ACCSL: variants seen among roughly 807,000 people sequenced by gnomAD.
The protein encoded by ACCSL is probable inactive 1-aminocyclopropane-1-carboxylate synthase-like protein 2.
In ACCSL, 55 loss-of-function variants were observed where a neutral mutation model predicts 61.7. The ratio of observed to expected loss-of-function variants is 0.89; its 90% confidence interval spans 0.72 to 1.12. The LOEUF is 1.12. Ranked by LOEUF, ACCSL falls within the 50% of genes most tolerant of loss-of-function variation. The pLI, the probability that ACCSL is intolerant of heterozygous loss-of-function variation, is 0.00. For missense variants in ACCSL, 632 were observed against 698.0 expected, an observed-to-expected ratio of 0.91 and a Z score of 1.07; for synonymous variants, 258 against 264.3, an observed-to-expected ratio of 0.98 and a Z score of 0.23.
At chr11:44,012,721 T>C in the ACCSL span, among the ~76,000 whole-genome samples, 1 of 152,212 alleles carries the variant, frequency 6.6e-6, no homozygotes, top group Non-Finnish European at 1.5e-5. Flanking sequence ...GATAGACATA[T>C]AAAGATGTTC....
At chr11:43,943,029 G>A in the ACCSL span, 6 of 1,505,364 alleles carry the variant, frequency 4.0e-6, no homozygotes, top group East Asian at 1.1e-4. This position sits in a 1 kb window ranked among gnomAD's most constrained non-coding sequence, Gnocchi z 4.8. Flanking sequence ...CCCAAGGGCC[G>A]GGGCCGGCTG....
At chr11:44,059,402 T>A (rs1050982164) in intron 13 of ACCSL, among the ~76,000 whole-genome samples, 1 of 152,248 alleles carries the variant, frequency 6.6e-6, no homozygotes, top group Non-Finnish European at 1.5e-5. Context: ...GAATAGGACA[T>A]TCATGTGAAC....
chr11:44,050,170 C>T (rs760902868), intron 2 of ACCSL, 49 bp downstream of exon 2: 7 of 1,503,956 alleles, frequency 4.7e-6, no homozygotes, highest in South Asian at 1.1e-5. Flanking sequence ...AAGGCTTAGT[C>T]CCCCTAGCGT....
chr11:43,973,317 G>A, the ACCSL span, among the ~76,000 whole-genome samples: 1 of 152,146 alleles, frequency 6.6e-6, no homozygotes, highest in Non-Finnish European at 1.5e-5. Context: ...GATTTTGAGT[G>A]GTAGTTTTAG....
chr11:43,991,901 C>T, the ACCSL span, among the ~76,000 whole-genome samples: 1 of 152,154 alleles, frequency 6.6e-6, no homozygotes, highest in African/African-American at 2.4e-5. Context: ...GCTCCTCAGA[C>T]AATTTGGTCC....
chr11:44,042,410 A>C, the ACCSL span, among the ~76,000 whole-genome samples: 1 of 152,164 alleles, frequency 6.6e-6, no homozygotes, highest in Non-Finnish European at 1.5e-5. Flanking sequence ...CTTCATCCAG[A>C]TTGAAGTGTA....
At chr11:43,975,525 T>G in the ACCSL span, among the ~76,000 whole-genome samples, 1 of 152,174 alleles carries the variant, frequency 6.6e-6, no homozygotes, top group African/African-American at 2.4e-5. Context: ...ATATAGCTAC[T>G]AAGAAGCTCA....
At chr11:43,966,809 C>G in the ACCSL span, among the ~76,000 whole-genome samples, 1 of 152,060 alleles carries the variant, frequency 6.6e-6, no homozygotes, top group African/African-American at 2.4e-5. Flanking sequence ...TTTGACTGTT[C>G]TAGGACAACT....
At chr11:44,058,248 T>A in intron 11 of ACCSL, 69 bp from the exon 12 acceptor site, 3 of 1,539,434 alleles carry the variant, frequency 1.9e-6, no homozygotes, top group Non-Finnish European at 2.7e-6. Flanking sequence ...GAAGGGAGCA[T>A]TTGGGAAGGA....
chr11:43,988,716 A>AGGCT, the ACCSL span, among the ~76,000 whole-genome samples: 1 of 151,886 alleles, frequency 6.6e-6, no homozygotes, highest in Non-Finnish European at 1.5e-5. Flanking sequence ...AGGAAGAAAC[A>AGGCT]GGCTGCAGGG....
the ACCSL span, among the ~76,000 whole-genome samples, chr11:43,991,910 C>T: frequency 6.6e-6 from 1 of 152,004 alleles, no homozygotes; most frequent in South Asian, 2.1e-4. Flanking sequence ...ACAATTTGGT[C>T]CCTTCATATC....
At chr11:43,990,837 G>A in the ACCSL span, among the ~76,000 whole-genome samples, 2 of 152,118 alleles carry the variant, frequency 1.3e-5, no homozygotes, top group African/African-American at 2.4e-5. Flanking sequence ...TTGGGAGGCC[G>A]AGGTGGGTGG....
chr11:43,990,172 C>T, the ACCSL span, among the ~76,000 whole-genome samples: 1 of 152,200 alleles, frequency 6.6e-6, no homozygotes, highest in Non-Finnish European at 1.5e-5. Flanking sequence ...CAGGAGAGCA[C>T]CTACCTACTT....
chr11:43,951,460 C>T, the ACCSL span, among the ~76,000 whole-genome samples: 1 of 152,176 alleles, frequency 6.6e-6, no homozygotes, highest in African/African-American at 2.4e-5. Flanking sequence ...AGTAATAAAG[C>T]AGGCTCCAGA....
chr11:43,972,186 C>T, the ACCSL span, among the ~76,000 whole-genome samples: 1 of 152,114 alleles, frequency 6.6e-6, no homozygotes, highest in Non-Finnish European at 1.5e-5. Flanking sequence ...ACAGTGTCCC[C>T]AACTATAAAG....
the ACCSL span, among the ~76,000 whole-genome samples, chr11:44,032,485 G>A: frequency 6.6e-6 from 1 of 152,230 alleles, no homozygotes; most frequent in Non-Finnish European, 1.5e-5. Flanking sequence ...GGTGCGGGGA[G>A]GAGGATGAAA....
the ACCSL span, among the ~76,000 whole-genome samples, chr11:43,974,417 C>T: frequency 6.6e-6 from 1 of 152,232 alleles, no homozygotes; most frequent in Admixed American, 6.5e-5. Context: ...TCTCTTAAGA[C>T]ATTTGTCATT....
At chr11:44,020,419 G>A in the ACCSL span, among the ~76,000 whole-genome samples, 1 of 152,082 alleles carries the variant, frequency 6.6e-6, no homozygotes, top group East Asian at 1.9e-4. Flanking sequence ...ATTACAAGGA[G>A]AATTTTAAGT....
the ACCSL span, among the ~76,000 whole-genome samples, chr11:43,952,079 A>G: frequency 6.7e-6 from 1 of 149,958 alleles, no homozygotes; most frequent in African/African-American, 2.5e-5. Flanking sequence ...TTTCTTTCCA[A>G]CTTTTATTTT....
Sources: gnomAD v4.1 joint callset for allele counts (sites outside exome capture counted in the v4.1 genomes callset) on GRCh38, gnomAD v4.1.1 for gene constraint, Gnocchi (gnomAD v3.1) non-coding constraint, MANE v1.5 for transcripts, NCBI Gene and HGNC (gene_info 2026-07-23, HGNC 2026-07-21) for gene names.